The following FAM168A variants were observed in gnomAD, a reference collection of about 807,000 sequenced individuals.
FAM168A encodes the protein protein FAM168A.
FAM168A carries 3 observed loss-of-function variants against 28.5 expected under a neutral mutation model. That is an observed-to-expected ratio of 0.11 (90% confidence interval 0.05 to 0.27). The LOEUF (loss-of-function observed/expected upper bound fraction) is 0.27, where lower values mean the gene tolerates loss of function less well. Ranked by LOEUF, FAM168A falls within the 10% of genes least tolerant of loss-of-function variation. The pLI, the probability that FAM168A is intolerant of heterozygous loss-of-function variation, is 1.00. For missense variants in FAM168A, 222 were observed against 311.5 expected (o/e 0.71, Z 2.16); for synonymous variants, 122 against 124.2 (o/e 0.98, Z 0.12).
At chr11:73,411,040 GACCAA>G (rs1866600618) in intron 5 of FAM168A, among the ~76,000 whole-genome samples, 1 of 152,218 alleles carries the variant, frequency 6.6e-6, no homozygotes, top group African/African-American at 2.4e-5. Flanking sequence ...GTCTCACCTT[GACCAA>G]CCAATAGCTC....
intron 2 of FAM168A, among the ~76,000 whole-genome samples, chr11:73,448,922 A>C (rs940540352): frequency 2.0e-5 from 3 of 151,888 alleles, no homozygotes; most frequent in African/African-American, 7.3e-5. Flanking sequence ...TATTTATTTA[A>C]GCTCCTGTTT....
At chr11:73,582,484 T>C (rs936325754) in intron 1 of FAM168A, among the ~76,000 whole-genome samples, 1 of 150,638 alleles carries the variant, frequency 6.6e-6, no homozygotes, top group African/African-American at 2.4e-5. Flanking sequence ...GATGGTGCCA[T>C]TGCACTCCAG....
chr11:73,467,118 CT>C (rs1253084636), intron 2 of FAM168A, among the ~76,000 whole-genome samples: 3 of 151,620 alleles, frequency 2.0e-5, no homozygotes, highest in Non-Finnish European at 4.4e-5. Context: ...TTTATACTAT[CT>C]GTGTGGTCCT....
intron 1 of FAM168A, among the ~76,000 whole-genome samples, chr11:73,497,141 C>T (rs1854906573): frequency 6.6e-6 from 1 of 152,152 alleles, no homozygotes; most frequent in African/African-American, 2.4e-5. Context: ...TCAGGCCTCA[C>T]TCTGTTTTGG....
At chr11:73,506,947 T>TA (rs1855127568) in intron 1 of FAM168A, among the ~76,000 whole-genome samples, 1 of 152,058 alleles carries the variant, frequency 6.6e-6, no homozygotes, top group South Asian at 2.1e-4. Flanking sequence ...AACAAACAAA[T>TA]AAAAAAACTT....
At chr11:73,539,271 T>A (rs549526413) in intron 1 of FAM168A, among the ~76,000 whole-genome samples, 53 of 143,602 alleles carry the variant, frequency 3.7e-4, no homozygotes, top group African/African-American at 6.6e-4. Flanking sequence ...TTATTTATTT[T>A]TTTATTTTTA....
intron 1 of FAM168A, among the ~76,000 whole-genome samples, chr11:73,497,533 T>G (rs1185702315): frequency 3.3e-5 from 5 of 152,098 alleles, no homozygotes. Context: ...CTGTCCAATA[T>G]AGTAGCTATT....
In FAM168A at chr11:73,419,860, C is replaced by G; in HGVS notation, c.277+14G>C. ...AACCAAGGGGAACAAGGAAATGAGA[C>G]AGGCTGTATTTACTGAAAGCCGCAG... On this transcript the variant is annotated intron_variant, in intron 4 of 7. Transcript: ENST00000356467. The G allele has an allele frequency of 6.2e-7, 1 of 1,613,586 alleles. No individual in the cohort carries two copies. Among genetic ancestry groups the G allele is most frequent in the Non-Finnish European group, 8.5e-7 (1 of 1,179,710 alleles).
At chr11:73,505,454 C>T (rs962460996) in intron 1 of FAM168A, among the ~76,000 whole-genome samples, 1 of 151,958 alleles carries the variant, frequency 6.6e-6, no homozygotes, top group Non-Finnish European at 1.5e-5. Flanking sequence ...TAGAACAATG[C>T]CCAACATATA....
chr11:73,493,072 C>T (rs1168600598), intron 1 of FAM168A, among the ~76,000 whole-genome samples: 1 of 152,072 alleles, frequency 6.6e-6, no homozygotes, highest in Non-Finnish European at 1.5e-5. Flanking sequence ...GGGTACTACG[C>T]TCACTACCTG....
At chr11:73,453,423 C>A (rs1005263441) in intron 2 of FAM168A, among the ~76,000 whole-genome samples, 1 of 151,948 alleles carries the variant, frequency 6.6e-6, no homozygotes, top group Non-Finnish European at 1.5e-5. Context: ...GAGTTCTCTT[C>A]GAAAAAGAGA....
At chr11:73,446,905 C>T (rs1332693061) in intron 2 of FAM168A, among the ~76,000 whole-genome samples, 1 of 152,172 alleles carries the variant, frequency 6.6e-6, no homozygotes, top group Non-Finnish European at 1.5e-5. Flanking sequence ...AAGTCTCTGG[C>T]AGCTTCCCAC....
chr11:73,424,355 CCTGT>C (rs1459952890), intron 3 of FAM168A, among the ~76,000 whole-genome samples: 3 of 152,166 alleles, frequency 2.0e-5, no homozygotes, highest in Non-Finnish European at 4.4e-5. Context: ...ATGGTCCCTT[CCTGT>C]CTATGACAAA....
At chr11:73,560,185 T>C (rs1943942036) in intron 1 of FAM168A, among the ~76,000 whole-genome samples, 1 of 151,152 alleles carries the variant, frequency 6.6e-6, no homozygotes, top group Non-Finnish European at 1.5e-5. Context: ...CAGCTCAGCC[T>C]CCTGAGGAGC....
chr11:73,580,252 C>T, intron 1 of FAM168A: 1 of 546,286 alleles, frequency 1.8e-6, no homozygotes, highest in Admixed American at 2.0e-5. Context: ...TCGCCGCCAC[C>T]ATGCCCAAGA....
chr11:73,527,340 A>C (rs1309056574), intron 1 of FAM168A, among the ~76,000 whole-genome samples: 2 of 152,172 alleles, frequency 1.3e-5, no homozygotes, highest in Admixed American at 6.5e-5. Context: ...TTAATCAATG[A>C]GTATGTATTA....
At chr11:73,504,946 C>T (rs111478839) in intron 1 of FAM168A, among the ~76,000 whole-genome samples, 2,183 of 152,054 alleles carry the variant, frequency 0.014, 17 homozygotes, top group Middle Eastern at 0.037. Context: ...TAAGTGGGAG[C>T]GGAACACTGA....
chr11:73,522,018 C>T (rs550830210), intron 1 of FAM168A, among the ~76,000 whole-genome samples: 1 of 152,164 alleles, frequency 6.6e-6, no homozygotes, highest in East Asian at 1.9e-4. Context: ...TCCTACTTTA[C>T]TAAAAGGAGG....
chr11:73,487,758 G>T (rs1868072922), intron 1 of FAM168A, among the ~76,000 whole-genome samples: 1 of 151,512 alleles, frequency 6.6e-6, no homozygotes, highest in Non-Finnish European at 1.5e-5. Flanking sequence ...TATCTCATTC[G>T]CCAAACACCA....
Sources: allele counts gnomAD v4.1 joint callset (sites outside exome capture counted in the v4.1 genomes callset), GRCh38; gene constraint gnomAD v4.1.1; transcripts MANE v1.5; gene names NCBI Gene and HGNC (gene_info 2026-07-23, HGNC 2026-07-21).